The following ZNF468 variants were observed in gnomAD, a reference collection of about 807,000 sequenced individuals.
ZNF468 encodes the protein zinc finger protein 468.
A neutral mutation model predicts 7.2 loss-of-function variants in ZNF468; 8 were observed. The observed-to-expected ratio is 1.11, with a 90% CI of 0.65 to 2.01. ZNF468 has a LOEUF of 2.01. Ranked by LOEUF, ZNF468 falls within the 30% of genes most tolerant of loss-of-function variation. The pLI is 0.00. For synonymous variants in ZNF468, 218 were observed against 214.4 expected, an observed-to-expected ratio of 1.02 and a Z score of -0.15; for missense variants, 608 against 626.5, an observed-to-expected ratio of 0.97 and a Z score of 0.31.
chr19:52,852,902 T>C (rs1461564053), intron 2 of ZNF468, among the ~76,000 whole-genome samples: 1 of 151,584 alleles, frequency 6.6e-6, no homozygotes, highest in South Asian at 2.1e-4. Flanking sequence ...TTGCCCAGGC[T>C]GGAGTGCAGT....
Position 52,840,744 on chromosome 19 carries a change from T to A in ZNF468, c.1550A>T (p.His517Leu), listed in dbSNP as rs200642853. 2.5e-6 allele frequency: 4 copies of A among 1,613,994 alleles called. No individual in the cohort carries two copies. The highest frequency in any genetic ancestry group is 3.4e-6 in the Non-Finnish European group (4 of 1,179,966). ...ACACTATTAAGGCTTCTCTCCACTA[T>A]GAAGCCTATGATGGTATACAAGGGA... is the stretch of plus-strand genomic sequence containing the variant. ...MSSLVYHHRL[H>L]SGEKP The change falls in exon 4 of 4, where the codon CAT becomes CTT. Residue 517 changes from histidine (H) to leucine (L), a missense_variant. Coordinates refer to ENST00000595646, the MANE Select transcript of ZNF468 (RefSeq NM_001008801.2).
At chr19:52,854,457 C>T (rs186631978) in intron 1 of ZNF468, 112 bp from the exon 2 acceptor site, 801 of 1,128,140 alleles carry the variant, frequency 7.1e-4, no homozygotes, top group East Asian at 2.5e-3. Flanking sequence ...CCCTCTGCTG[C>T]CCACTGCACA....
At chr19:52,855,021 A>G (rs1185061138) in intron 1 of ZNF468, among the ~76,000 whole-genome samples, 2 of 151,864 alleles carry the variant, frequency 1.3e-5, no homozygotes, top group African/African-American at 4.8e-5. Flanking sequence ...TAAAATACAA[A>G]TACAAAATTA....
chr19:52,839,967 A>T lies in ZNF468; in HGVS notation c.*758T>A. ...CATTACATTAGTCAAGTTTCCCTAT[A>T]CCATGGATTGCTTGATGGTGAATAA... is the stretch of plus-strand genomic sequence containing the variant. On this transcript the variant is annotated 3_prime_UTR_variant, in exon 4 of 4. Coordinates refer to ENST00000595646, the MANE Select transcript of ZNF468 (RefSeq NM_001008801.2). The T allele has an allele frequency of 2.4e-6, 3 of 1,264,526 alleles. No individual in the cohort carries two copies. The highest frequency in any genetic ancestry group is 3.2e-6 in the Non-Finnish European group (3 of 935,864). 78.3% of individuals were successfully genotyped at this position (1,264,526 alleles called of 1,614,324 possible).
intron 3 of ZNF468, among the ~76,000 whole-genome samples, chr19:52,843,035 C>T (rs1162509032): frequency 1.4e-5 from 2 of 147,540 alleles, no homozygotes; most frequent in East Asian, 2.0e-4. Context: ...GTATGATAAT[C>T]GCTTGAACTC....
rs745768390 is a variant in ZNF468 at position 52,839,640 on chromosome 19, A to T, written c.*1085T>A. On this transcript the variant is annotated 3_prime_UTR_variant, in exon 4 of 4. Transcript: ENST00000595646. ...TTTGTAAGATTTCTGTCCAGCATGG[A>T]TTCTCTGATGTCTAATGAGGTGTGA... is the stretch of plus-strand genomic sequence containing the variant. 5.3e-5 allele frequency: 29 copies of T among 550,214 alleles called. No homozygotes were observed. The highest frequency in any genetic ancestry group is 8.1e-5 in the Non-Finnish European group (22 of 271,296). 34.1% of individuals were successfully genotyped at this position (550,214 alleles called of 1,614,324 possible).
rs373117411 is a variant in ZNF468, at chr19:52,850,760, G to C, written c.16-1547C>G. Among the ~76,000 whole-genome samples, 44 of 149,270 alleles carry C rather than the reference G, an allele frequency of 2.9e-4. No homozygotes were observed. The South Asian group carries it at 4.1e-3, about 14-fold the overall frequency. ...TAAAAATACAAAAAATTAGCCGGGC[G>C]TGGTGGCGGGCGCCTGTAGTCCCAG... On this transcript the variant is annotated intron_variant, in intron 2 of 3. Coordinates refer to ENST00000595646, the MANE Select transcript of ZNF468 (RefSeq NM_001008801.2).
chr19:52,852,075 A>C (rs1402135405), intron 2 of ZNF468, among the ~76,000 whole-genome samples: 1 of 152,076 alleles, frequency 6.6e-6, no homozygotes, highest in East Asian at 1.9e-4. Flanking sequence ...CAGAAAAAAT[A>C]ACTATCGGGC....
intron 3 of ZNF468, among the ~76,000 whole-genome samples, chr19:52,846,128 T>C (rs1380220687): frequency 3.3e-5 from 5 of 152,144 alleles, no homozygotes; most frequent in Admixed American, 1.3e-4. Context: ...ACACTGTACA[T>C]ATATGTTAAC....
rs1427576442 is a variant in ZNF468 at position 52,839,674 on chromosome 19, T to C, written c.*1051A>G. 1 of 546,096 alleles carries C rather than the reference T, an allele frequency of 1.8e-6. No individual in the cohort carries two copies. Among genetic ancestry groups the C allele is most frequent in the Non-Finnish European group, 3.7e-6 (1 of 269,596 alleles). 33.8% of individuals were successfully genotyped at this position (546,096 alleles called of 1,614,324 possible). On this transcript the variant is annotated 3_prime_UTR_variant, in exon 4 of 4. Coordinates refer to ENST00000595646, the MANE Select transcript of ZNF468 (RefSeq NM_001008801.2). The stretch of plus-strand genomic sequence containing the variant: ...TGTCTAATGAGGTGTGAATGTGAAG[T>C]AAACGCTTTGCCACAATCATCACAC...
At chr19:52,848,364 AAAG>A (rs1166223075) in intron 3 of ZNF468, among the ~76,000 whole-genome samples, 2 of 152,134 alleles carry the variant, frequency 1.3e-5, no homozygotes, top group African/African-American at 4.8e-5. Context: ...TTTCAGTAGG[AAAG>A]AAGACATTAC....
intron 2 of ZNF468, among the ~76,000 whole-genome samples, chr19:52,850,790 T>A (rs1411888591): frequency 6.6e-6 from 1 of 151,356 alleles, no homozygotes; most frequent in Non-Finnish European, 1.5e-5. Context: ...TCCCAGCTAC[T>A]CGGGAGGCTG....
rs187467887 is a variant in ZNF468 at position 52,846,138 on chromosome 19, C to T, written c.142+2949G>A. Among the ~76,000 whole-genome samples, 359 of 152,084 alleles carry T rather than the reference C, an allele frequency of 2.4e-3. 2 individuals carry two copies. The highest frequency in any genetic ancestry group is 8.1e-3 in the African/African-American group (338 of 41,484). ...GAAAAACACTGTACATATATGTTAA[C>T]GGAAATGCAACATACACAGAAATAA... On this transcript the variant is annotated intron_variant, in intron 3 of 3. Transcript: ENST00000595646.
At position 52,841,619 on chromosome 19, in the gene ZNF468, A is replaced by T; in HGVS notation, c.675T>A (p.Asn225Lys). The part of the protein sequence containing the change: ...FECIQSFKSF[N>K]CSSLLKKHQI... ...GATGTTTTTTTAAGAGTGAGCTGCA[A>T]TTAAAGGATTTGAAGCTCTGTATAC... Residue 225 changes from asparagine to lysine, a missense_variant, in exon 4 of 4, where the codon AAT becomes AAA. Physicochemically the swap from Asn to Lys is moderately conservative, Grantham distance 94. Coordinates refer to ENST00000595646, the MANE Select transcript of ZNF468 (RefSeq NM_001008801.2). 1 of 1,614,002 alleles carries T rather than the reference A, an allele frequency of 6.2e-7. No homozygotes were observed. Among genetic ancestry groups the T allele is most frequent in the East Asian group, 2.2e-5 (1 of 44,852 alleles).
chr19:52,857,586 T>C lies in ZNF468; in HGVS notation c.-88A>G, dbSNP rs1330749675. The C allele has an allele frequency of 1.3e-5, 2 of 152,652 alleles. No individual in the cohort carries two copies. The highest frequency in any genetic ancestry group is 1.9e-4 in the East Asian group (1 of 5,182). The allele number at this position is 152,652 out of a possible 1,614,324, so 9.5% of individuals were successfully genotyped here. A position where few individuals can be genotyped will look rare whatever the true frequency, so the allele number is the denominator to read the frequency against. ...GCAAAACTCACCGCCCGCCGCGGCG[T>C]GACCGTCATTCCACGGGATCCACTT... On this transcript the variant is annotated 5_prime_UTR_variant, in exon 1 of 4. Coordinates refer to ENST00000595646, the MANE Select transcript of ZNF468 (RefSeq NM_001008801.2).
rs1472775008 is a variant in ZNF468, at chr19:52,841,772, A to T, written c.522T>A (p.Val174=). The change falls in exon 4 of 4, where the codon GTT becomes GTA. Residue 174 remains valine, a synonymous_variant. Transcript: ENST00000595646. ...TACAACAAATTCTTTGGGATGTTGAAACTGAGGAAGCATTGTTGATAGACT... is the reference window on the plus strand; with the variant it reads ...TACAACAAATTCTTTGGGATGTTGATACTGAGGAAGCATTGTTGATAGACT... ...VEKSINNASS[V]STSQRICCRP... 26 of 1,613,974 alleles carry T rather than the reference A, an allele frequency of 1.6e-5. No individual in the cohort carries two copies. Among genetic ancestry groups the T allele is most frequent in the Non-Finnish European group, 2.1e-5 (25 of 1,180,008 alleles).
Position 52,849,147 on chromosome 19 carries a change from C to T in ZNF468, c.82G>A (p.Ala28Thr). ...ACGTCCCTGTATAAAGTCCTCTGAG[C>T]AGGGTCCAGGCATTTCCACTCCTCC... is the stretch of plus-strand genomic sequence containing the variant. ...SQEEWKCLDP[A>T]QRTLYRDVML... The change falls in exon 3 of 4, where the codon GCT (alanine) becomes ACT (threonine). Residue 28 changes from alanine (A) to threonine (T), a missense_variant. Physicochemically the swap from Ala to Thr is moderately conservative, Grantham distance 58 (BLOSUM62 0). Transcript: ENST00000595646. The T allele has an allele frequency of 4.3e-6, 7 of 1,613,972 alleles. No individual in the cohort carries two copies. The highest frequency in any genetic ancestry group is 5.9e-6 in the Non-Finnish European group (7 of 1,179,924).
At chr19:52,850,023 A>G (rs1395705825) in intron 2 of ZNF468, among the ~76,000 whole-genome samples, 1 of 152,156 alleles carries the variant, frequency 6.6e-6, no homozygotes, top group African/African-American at 2.4e-5. Context: ...GTGAATACAA[A>G]GGGTTGTCAT....
chr19:52,844,361 C>A (rs2063327262), intron 3 of ZNF468, among the ~76,000 whole-genome samples: 1 of 152,096 alleles, frequency 6.6e-6, no homozygotes, highest in Non-Finnish European at 1.5e-5. Context: ...AATGCTCTCA[C>A]CAGGAAGCAA....
Sources: gnomAD v4.1 joint callset for allele counts (sites outside exome capture counted in the v4.1 genomes callset) on GRCh38, gnomAD v4.1.1 for gene constraint, MANE v1.5 for transcripts, NCBI Gene and HGNC (gene_info 2026-07-23, HGNC 2026-07-21) for gene names.